Variants in ZSCAN5A observed in about 807,000 individuals in gnomAD.
The protein encoded by ZSCAN5A is zinc finger and SCAN domain-containing protein 5A.
Under a neutral mutation model 23.7 loss-of-function variants are expected in ZSCAN5A, and 12 were observed. That is an observed-to-expected ratio of 0.51 (90% CI 0.32 to 0.82). The LOEUF is 0.82. Among genes scored for constraint, ZSCAN5A ranks in the 40% least tolerant of loss-of-function variants. ZSCAN5A has a pLI of 0.03. For missense variants in ZSCAN5A, 597 were observed against 617.9 expected, an observed-to-expected ratio of 0.97 and a Z score of 0.36; for synonymous variants, 257 against 239.9, an observed-to-expected ratio of 1.07 and a Z score of -0.66.
At chr19:56,291,307 A>C (rs374831411) in intron 2 of ZSCAN5A, among the ~76,000 whole-genome samples, 2 of 152,122 alleles carry the variant, frequency 1.3e-5, no homozygotes, top group African/African-American at 4.8e-5. Flanking sequence ...GTATCTTCCT[A>C]ATCTCTGGAA....
rs553710760 is a variant in ZSCAN5A, at chr19:56,292,001, C to T, written c.-128+21282G>A. On this transcript the variant is annotated intron_variant, in intron 2 of 5. Coordinates refer to ENST00000683990, the MANE Select transcript of ZSCAN5A (RefSeq NM_001322064.3). ...ACAAGGCAAGTATTATTCATCTGCA[C>T]TTGACTGAGGTATAAAGGTTAGGTA... Among the ~76,000 whole-genome samples, 6 of 152,300 alleles carry T rather than the reference C, an allele frequency of 3.9e-5. No homozygotes were observed. The South Asian group carries it at 8.3e-4, about 21-fold the overall frequency.
chr19:56,244,441 C>T (rs774725899), intron 2 of ZSCAN5A: 51 of 1,579,504 alleles, frequency 3.2e-5, no homozygotes, highest in East Asian at 1.8e-4. Flanking sequence ...GTGGGACCCT[C>T]GTGACTGGTG....
At chr19:56,305,254 C>T (rs1454265437) in intron 2 of ZSCAN5A, among the ~76,000 whole-genome samples, 3 of 150,484 alleles carry the variant, frequency 2.0e-5, no homozygotes, top group Non-Finnish European at 4.4e-5. Context: ...CGTCTCTTCC[C>T]CCTGTTCCTG....
intron 2 of ZSCAN5A, among the ~76,000 whole-genome samples, chr19:56,299,410 G>T (rs570368827): frequency 4.6e-5 from 7 of 150,628 alleles, no homozygotes; most frequent in Admixed American, 4.6e-4. Context: ...TGGAATTACA[G>T]ACATAAGCCA....
intron 2 of ZSCAN5A, among the ~76,000 whole-genome samples, chr19:56,277,976 T>C (rs1046813708): frequency 1.3e-5 from 2 of 152,098 alleles, no homozygotes; most frequent in East Asian, 1.9e-4. Flanking sequence ...GTGAAATGGC[T>C]GTTTCCAAAC....
chr19:56,301,521 C>G (rs899879000), intron 2 of ZSCAN5A, among the ~76,000 whole-genome samples: 11 of 152,174 alleles, frequency 7.2e-5, no homozygotes, highest in African/African-American at 2.4e-4. Context: ...TTTACCGCAA[C>G]CTGTTTTATC....
intron 2 of ZSCAN5A, among the ~76,000 whole-genome samples, chr19:56,255,723 C>G (rs779686299): frequency 1.3e-5 from 2 of 151,778 alleles, no homozygotes; most frequent in Non-Finnish European, 2.9e-5. Context: ...ATGGTGTCGT[C>G]TATTCTCAGG....
At position 56,224,626 on chromosome 19, in the gene ZSCAN5A, T is replaced by C. The variant is rs996904616; in HGVS notation, c.384+37A>G. Reference sequence around the variant, plus strand: ...TGCACCGTGCAGCCCCCATCCCAGCTCCCCTTCCCTGCACCAATCACGAGG... The same window carrying C: ...TGCACCGTGCAGCCCCCATCCCAGCCCCCCTTCCCTGCACCAATCACGAGG... On this transcript the variant is annotated intron_variant, in intron 3 of 5. Coordinates refer to ENST00000683990, the MANE Select transcript of ZSCAN5A (RefSeq NM_001322064.3). 5.2e-6 allele frequency: 8 copies of C among 1,551,552 alleles called. No homozygotes were observed. In the African/African-American group the frequency reaches 1.1e-4, roughly 21 times the overall value.
intron 2 of ZSCAN5A, chr19:56,284,343 A>G (rs1413106943): frequency 4.7e-6 from 1 of 211,284 alleles, no homozygotes; most frequent in Non-Finnish European, 8.2e-6. Flanking sequence ...ATATGGTGCA[A>G]GGATTTTGTG....
chr19:56,222,301 C>T lies in ZSCAN5A; in HGVS notation c.765G>A (p.Gly255=). 1 of 1,612,362 alleles carries T rather than the reference C, an allele frequency of 6.2e-7. No individual in the cohort carries two copies. The highest frequency in any genetic ancestry group is 8.5e-7 in the Non-Finnish European group (1 of 1,179,870). ...SPTDLVRAKE[G]KDPPKIASVE... ...CAGAGGCTATTTTTGGGGGGTCCTT[C>T]CCCTCCTTTGCTCTCACCAGATCTG... is the stretch of plus-strand genomic sequence containing the variant. Residue 255 remains glycine, a synonymous_variant, in exon 6 of 6, where the codon GGG becomes GGA. Transcript: ENST00000683990.
intron 2 of ZSCAN5A, among the ~76,000 whole-genome samples, chr19:56,252,677 T>G (rs1206208955): frequency 6.6e-6 from 1 of 152,170 alleles, no homozygotes; most frequent in Non-Finnish European, 1.5e-5. Context: ...ATGGTCAAAC[T>G]TTTAATAATC....
chr19:56,311,950 T>G (rs2041065624), intron 2 of ZSCAN5A: 1 of 152,222 alleles, frequency 6.6e-6, no homozygotes, highest in African/African-American at 2.4e-5. Flanking sequence ...GTATTGTTAT[T>G]ATCTAGGGCA....
chr19:56,281,307 A>T (rs2038681919), intron 2 of ZSCAN5A, among the ~76,000 whole-genome samples: 1 of 152,188 alleles, frequency 6.6e-6, no homozygotes, highest in Non-Finnish European at 1.5e-5. Context: ...CTAAGTGGAT[A>T]AGTGTAACCA....
intron 2 of ZSCAN5A, among the ~76,000 whole-genome samples, chr19:56,360,194 A>G (rs1171557678): frequency 1.3e-5 from 2 of 152,112 alleles, no homozygotes; most frequent in African/African-American, 4.8e-5. Flanking sequence ...CAGCCCAAAA[A>G]CTTCTTAAGC....
At chr19:56,298,049 G>A (rs1205079817) in intron 2 of ZSCAN5A, 1 of 149,980 alleles carries the variant, frequency 6.7e-6, no homozygotes, top group African/African-American at 2.5e-5. Flanking sequence ...CATCCGGCCT[G>A]GGTAACTGAG....
intron 2 of ZSCAN5A, among the ~76,000 whole-genome samples, chr19:56,273,657 C>T (rs1030876092): frequency 1.3e-5 from 2 of 152,014 alleles, no homozygotes; most frequent in Non-Finnish European, 2.9e-5. Context: ...CACTGAGTCC[C>T]TCCATCAGAG....
chr19:56,265,266 A>G (rs561755443), intron 2 of ZSCAN5A, among the ~76,000 whole-genome samples: 25 of 151,644 alleles, frequency 1.6e-4, no homozygotes, highest in African/African-American at 5.6e-4. Flanking sequence ...GGGCACTCCC[A>G]TGATAAAGGC....
intron 2 of ZSCAN5A, among the ~76,000 whole-genome samples, chr19:56,360,979 T>C (rs1159577776): frequency 6.6e-6 from 1 of 151,982 alleles, no homozygotes; most frequent in South Asian, 2.1e-4. Flanking sequence ...ATAAGGAACT[T>C]CAGCAAATTT....
chr19:56,232,451 T>G (rs1370656782), intron 2 of ZSCAN5A, among the ~76,000 whole-genome samples: 1 of 152,146 alleles, frequency 6.6e-6, no homozygotes, highest in Non-Finnish European at 1.5e-5. Context: ...ATTGGGCCCT[T>G]TGGATATGAG....
Sources: allele counts gnomAD v4.1 joint callset (sites outside exome capture counted in the v4.1 genomes callset), GRCh38; gene constraint gnomAD v4.1.1; transcripts MANE v1.5; gene names NCBI Gene and HGNC (gene_info 2026-07-23, HGNC 2026-07-21).